GRK5: variants seen among roughly 807,000 people sequenced by gnomAD.
GRK5 encodes the protein g protein-coupled receptor kinase GRK5.
In GRK5, 40 loss-of-function variants were observed where a neutral mutation model predicts 78.4. That is an observed-to-expected ratio of 0.51 (90% CI 0.40 to 0.66). The LOEUF (loss-of-function observed/expected upper bound fraction) is 0.66, where lower values mean the gene tolerates loss of function less well. Ranked by LOEUF, GRK5 falls within the 30% of genes least tolerant of loss-of-function variation. The probability of loss-of-function intolerance (pLI) is 0.00; values close to 1 mark genes in which losing one functional copy is unlikely to be tolerated. For missense variants in GRK5, 598 were observed against 759.9 expected (o/e 0.79, Z 2.50); for synonymous variants, 289 against 296.8 (o/e 0.97, Z 0.27).
intron 10 of GRK5, among the ~76,000 whole-genome samples, chr10:119,440,625 A>C (rs187540574): frequency 6.6e-6 from 1 of 150,954 alleles, no homozygotes; most frequent in Admixed American, 6.6e-5. Context: ...ATCTCAACTC[A>C]GTGCAACCTC....
chr10:119,218,074 T>TTGTGTTTGTGTGTGTGTGTG (rs1848603334), intron 1 of GRK5, among the ~76,000 whole-genome samples: 1 of 146,498 alleles, frequency 6.8e-6, no homozygotes. Flanking sequence ...GTCAACCCGT[T>TTGTGTTTGTGTGTGTGTGTG]TGTGTGTGTG....
At chr10:119,370,109 A>T (rs1228775852) in intron 2 of GRK5, among the ~76,000 whole-genome samples, 1 of 152,062 alleles carries the variant, frequency 6.6e-6, no homozygotes, top group East Asian at 1.9e-4. Context: ...CCCTGACTGC[A>T]TCTGATGGGT....
At chr10:119,248,466 C>T (rs1849149239) in intron 1 of GRK5, among the ~76,000 whole-genome samples, 1 of 152,078 alleles carries the variant, frequency 6.6e-6, no homozygotes, top group Admixed American at 6.6e-5. Flanking sequence ...AATATGAATT[C>T]TGTTCCTAAT....
intron 1 of GRK5, among the ~76,000 whole-genome samples, chr10:119,273,227 C>T (rs2133677564): frequency 6.6e-6 from 1 of 152,248 alleles, no homozygotes; most frequent in Non-Finnish European, 1.5e-5. Context: ...CCACTGTAGG[C>T]ATAAAGCAGG....
intron 3 of GRK5, among the ~76,000 whole-genome samples, chr10:119,396,175 C>G (rs560322190): frequency 6.6e-6 from 1 of 152,348 alleles, no homozygotes; most frequent in South Asian, 2.1e-4. Context: ...CAGTGTATAC[C>G]TAGGTGCTGG....
chr10:119,300,318 G>A (rs748580809), intron 1 of GRK5, among the ~76,000 whole-genome samples: 44 of 152,184 alleles, frequency 2.9e-4, no homozygotes, highest in African/African-American at 8.7e-4. Flanking sequence ...GCAGACTGAT[G>A]TGTTACCTTC....
chr10:119,360,529 G>A (rs954166619), intron 2 of GRK5, among the ~76,000 whole-genome samples: 27 of 151,416 alleles, frequency 1.8e-4, no homozygotes, highest in Non-Finnish European at 8.8e-5. Context: ...AGGAGCCTGT[G>A]TGAGTGGGAA....
intron 2 of GRK5, among the ~76,000 whole-genome samples, chr10:119,362,771 A>T (rs1851386850): frequency 6.6e-6 from 1 of 152,234 alleles, no homozygotes; most frequent in Admixed American, 6.5e-5. Flanking sequence ...GTCAGACTGA[A>T]GATCAGGTGG....
intron 4 of GRK5, among the ~76,000 whole-genome samples, chr10:119,421,361 T>C (rs1852566232): frequency 6.6e-6 from 1 of 152,214 alleles, no homozygotes; most frequent in South Asian, 2.1e-4. Context: ...AAGCCCCCAG[T>C]TGTCGACTCC....
At position 119,444,173 on chromosome 10, in the gene GRK5, C is replaced by T. The variant is rs115402878; in HGVS notation, c.1266+421C>T. ...TGGATCCTAAGGTGTTGGTTTAAGA[C>T]GAAGGGCTACAGGGGGTGGGGGCGA... On this transcript the variant is annotated intron_variant, in intron 12 of 15. Coordinates refer to ENST00000392870, the MANE Select transcript of GRK5 (RefSeq NM_005308.3). Among the ~76,000 whole-genome samples, 568 of 152,032 alleles carry T rather than the reference C, an allele frequency of 3.7e-3. 3 individuals are homozygous for T. The highest frequency in any genetic ancestry group is 0.012 in the African/African-American group (500 of 41,466).
chr10:119,317,541 C>T (rs1850512688), intron 1 of GRK5, among the ~76,000 whole-genome samples: 1 of 152,126 alleles, frequency 6.6e-6, no homozygotes, highest in Admixed American at 6.5e-5. Context: ...CTGCAGTCTC[C>T]CTTAGGCTTT....
intron 1 of GRK5, among the ~76,000 whole-genome samples, chr10:119,254,774 G>C (rs2168220): frequency 1.3e-5 from 2 of 152,108 alleles, no homozygotes; most frequent in African/African-American, 4.8e-5. Context: ...GGAAAAACAG[G>C]CCGGGCACGG....
intron 4 of GRK5, among the ~76,000 whole-genome samples, chr10:119,408,163 C>CA (rs34029208): frequency 0.076 from 5,617 of 73,610 alleles, 260 homozygotes; most frequent in African/African-American, 0.15. Flanking sequence ...AACTCCATCT[C>CA]AAAAAAAAAA....
chr10:119,330,978 C>T (rs1178354815), intron 2 of GRK5, among the ~76,000 whole-genome samples: 3 of 152,128 alleles, frequency 2.0e-5, no homozygotes, highest in Non-Finnish European at 4.4e-5. Context: ...CACTCTAGGC[C>T]TCCTCCCCAT....
Position 119,316,347 on chromosome 10 carries a change from G to A in GRK5, c.53-10169G>A, listed in dbSNP as rs184972319. On this transcript the variant is annotated intron_variant, in intron 1 of 15. Coordinates refer to ENST00000392870, the MANE Select transcript of GRK5 (RefSeq NM_005308.3). ...CAGGATTCTGGGAGATGGGTAGTGA[G>A]CTGGGCTGAAGGGTGCTGAAGGTTC... Among the ~76,000 whole-genome samples the A allele has an allele frequency of 6.3e-3, 963 of 152,354 alleles. 4 individuals carry two copies. Among genetic ancestry groups the A allele is most frequent in the Non-Finnish European group, 0.01 (687 of 68,034 alleles).
At chr10:119,393,366 T>C (rs1006511369) in intron 3 of GRK5, among the ~76,000 whole-genome samples, 1 of 152,240 alleles carries the variant, frequency 6.6e-6, no homozygotes, top group Non-Finnish European at 1.5e-5. Flanking sequence ...CTGAAAGGGA[T>C]GTTATTTTTT....
intron 1 of GRK5, among the ~76,000 whole-genome samples, chr10:119,275,205 T>C (rs1849647943): frequency 6.6e-6 from 1 of 152,112 alleles, no homozygotes; most frequent in African/African-American, 2.4e-5. Flanking sequence ...GACTGTGAGG[T>C]TTCAGACGGG....
At chr10:119,361,058 G>A (rs74715233) in intron 2 of GRK5, among the ~76,000 whole-genome samples, 10,868 of 152,210 alleles carry the variant, frequency 0.071, 592 homozygotes, top group East Asian at 0.24. Context: ...GTGGGCTTTG[G>A]AGCCAAAAAG....
chr10:119,358,975 G>T (rs868235134), intron 2 of GRK5, among the ~76,000 whole-genome samples: 1 of 152,108 alleles, frequency 6.6e-6, no homozygotes, highest in East Asian at 1.9e-4. Context: ...GCCCCACCCT[G>T]AAGAATTCAT....
Sources: gnomAD v4.1 joint callset for allele counts (sites outside exome capture counted in the v4.1 genomes callset) on GRCh38, gnomAD v4.1.1 for gene constraint, MANE v1.5 for transcripts, NCBI Gene and HGNC (gene_info 2026-07-23, HGNC 2026-07-21) for gene names.